RPS6KA2: variants seen among roughly 807,000 people sequenced by gnomAD.
RPS6KA2 encodes the protein ribosomal protein S6 kinase alpha-2.
A neutral mutation model predicts 91.8 loss-of-function variants in RPS6KA2; 42 were observed. The ratio of observed to expected loss-of-function variants is 0.46; its 90% CI spans 0.36 to 0.59. The LOEUF (loss-of-function observed/expected upper bound fraction) is 0.59, where lower values mean the gene tolerates loss of function less well. Ranked by LOEUF, RPS6KA2 falls within the 20% of genes least tolerant of loss-of-function variation. RPS6KA2 has a pLI of 0.00. For missense variants in RPS6KA2, 798 were observed against 978.5 expected, an observed-to-expected ratio of 0.82 and a Z score of 2.46; for synonymous variants, 414 against 393.6, an observed-to-expected ratio of 1.05 and a Z score of -0.61.
rs1254784554 is a variant in RPS6KA2, at chr6:166,528,831, C to G, written c.298+2401G>C. Among the ~76,000 whole-genome samples the G allele has an allele frequency of 2.6e-5, 4 of 152,174 alleles. No individual in the cohort carries two copies. In the East Asian group the frequency reaches 5.8e-4, roughly 22 times the overall value. On this transcript the variant is annotated intron_variant, in intron 3 of 20. Transcript: ENST00000265678. The stretch of plus-strand genomic sequence containing the variant: ...AGACACATGAAAAAATGCTCATCAT[C>G]ACTGGCCATCAGAGAAATGCAAATC...
At chr6:166,627,308 AG>A, upstream of RPS6KA2, 1 of 820,364 alleles carries the variant, frequency 1.2e-6, no homozygotes, top group Non-Finnish European at 1.5e-6. Flanking sequence ...ACCACCAATC[AG>A]CGCCCGCCGC....
intron 2 of RPS6KA2, among the ~76,000 whole-genome samples, chr6:166,652,130 G>A (rs1319201575): frequency 6.6e-6 from 1 of 152,250 alleles, no homozygotes; most frequent in African/African-American, 2.4e-5. Flanking sequence ...AAAAGTCAGA[G>A]GATAGAGCTT....
intron 1 of RPS6KA2, among the ~76,000 whole-genome samples, chr6:166,555,842 T>C (rs1019264804): frequency 2.0e-5 from 3 of 152,018 alleles, no homozygotes; most frequent in East Asian, 1.9e-4. Context: ...ACCTCACTTA[T>C]AGGTAAAAAT....
chr6:166,467,521 A>T (rs532160525), intron 11 of RPS6KA2, among the ~76,000 whole-genome samples: 14 of 152,326 alleles, frequency 9.2e-5, no homozygotes, highest in Non-Finnish European at 1.8e-4. Flanking sequence ...GTCTCATAAG[A>T]TGACACTGAA....
At chr6:166,663,974 T>A (rs1788242809) in intron 2 of RPS6KA2, among the ~76,000 whole-genome samples, 1 of 152,260 alleles carries the variant, frequency 6.6e-6, no homozygotes, top group Non-Finnish European at 1.5e-5. Flanking sequence ...TTATTATCTG[T>A]AAAGCAGGGC....
chr6:166,715,698 G>A (rs574398119), intron 2 of RPS6KA2, among the ~76,000 whole-genome samples: 1 of 152,162 alleles, frequency 6.6e-6, no homozygotes, highest in Admixed American at 6.5e-5. Context: ...ACACGGCTGC[G>A]CTGAACACTG....
At chr6:166,741,015 G>A (rs1790796093) in intron 2 of RPS6KA2, among the ~76,000 whole-genome samples, 1 of 152,262 alleles carries the variant, frequency 6.6e-6, no homozygotes, top group Non-Finnish European at 1.5e-5. Flanking sequence ...ACAACTGCCA[G>A]ACACATGCAG....
chr6:166,813,155 C>T (rs1099647), intron 2 of RPS6KA2, among the ~76,000 whole-genome samples: 148,734 of 151,990 alleles, frequency 0.98, 72,853 homozygotes, highest in East Asian at 1. Flanking sequence ...TTTTATAGTA[C>T]CTCCATATCA....
At chr6:166,499,870 T>TACAGGGACTTTGAGAACAGACTAAC (rs1562536935) in intron 7 of RPS6KA2, among the ~76,000 whole-genome samples, 21 of 149,844 alleles carry the variant, frequency 1.4e-4, no homozygotes, top group African/African-American at 4.9e-4. Context: ...AACAGACTAA[T>TACAGGGACTTTGAGAACAGACTAAC]ACAGGGACTT....
In RPS6KA2 at chr6:166,825,662, A is replaced by C. The variant is rs1194269197; in HGVS notation, c.123+32538T>G. On this transcript the variant is annotated intron_variant, in intron 2 of 21. Coordinates refer to the RPS6KA2 transcript ENST00000503859. The surrounding 1 kb of genome is among the most constrained non-coding windows in gnomAD (Gnocchi z 4.1). ...AGTGTTGGATGAGAACCCACTTCCT[A>C]GTACATAGACAGCAACTTCTCCCTG... Among the ~76,000 whole-genome samples the C allele has an allele frequency of 6.6e-6, 1 of 152,176 alleles. No homozygotes were observed. The highest frequency in any genetic ancestry group is 1.5e-5 in the Non-Finnish European group (1 of 68,024).
chr6:166,854,073 G>A (rs1455040294), intron 2 of RPS6KA2, among the ~76,000 whole-genome samples: 4 of 152,192 alleles, frequency 2.6e-5, no homozygotes, highest in Non-Finnish European at 5.9e-5. Context: ...TATGAAGGAT[G>A]CCTGCCTCTG....
At chr6:166,546,283 G>A (rs1031834239) in intron 1 of RPS6KA2, among the ~76,000 whole-genome samples, 6 of 152,116 alleles carry the variant, frequency 3.9e-5, no homozygotes, top group African/African-American at 1.2e-4. Flanking sequence ...GTGTTTCCTC[G>A]TGGAACAGCT....
intron 2 of RPS6KA2, among the ~76,000 whole-genome samples, chr6:166,782,067 A>T (rs1238004049): frequency 6.6e-6 from 1 of 152,204 alleles, no homozygotes; most frequent in Non-Finnish European, 1.5e-5. Flanking sequence ...AGGTTGGCGG[A>T]TCATCTTGAG....
intron 11 of RPS6KA2, among the ~76,000 whole-genome samples, chr6:166,463,881 G>T (rs73271267): frequency 0.035 from 5,401 of 152,282 alleles, 343 homozygotes; most frequent in African/African-American, 0.12. Flanking sequence ...TGACAGGTCA[G>T]TGGCTCATGG....
intron 2 of RPS6KA2, among the ~76,000 whole-genome samples, chr6:166,633,151 C>T (rs116810780): frequency 0.029 from 4,389 of 152,150 alleles, 198 homozygotes; most frequent in African/African-American, 0.1. Context: ...ACCTGGGAGG[C>T]GGAGACGGCA....
chr6:166,851,082 C>T (rs1780727717), intron 2 of RPS6KA2, among the ~76,000 whole-genome samples: 1 of 152,200 alleles, frequency 6.6e-6, no homozygotes, highest in South Asian at 2.1e-4. Context: ...CCTTTGGTGC[C>T]TCGATTTCAC....
At chr6:166,696,576 C>T (rs1419142900) in intron 2 of RPS6KA2, among the ~76,000 whole-genome samples, 2 of 152,190 alleles carry the variant, frequency 1.3e-5, no homozygotes, top group African/African-American at 2.4e-5. Context: ...TGAAACGGTC[C>T]ATTTTCTACG....
chr6:166,565,556 T>C (rs2128507478), intron 1 of RPS6KA2, among the ~76,000 whole-genome samples: 1 of 152,132 alleles, frequency 6.6e-6, no homozygotes, highest in East Asian at 1.9e-4. Flanking sequence ...GTGGTCCATG[T>C]CTGGGCAGTG....
At chr6:166,785,509 C>T (rs1778906468) in intron 2 of RPS6KA2, among the ~76,000 whole-genome samples, 1 of 152,210 alleles carries the variant, frequency 6.6e-6, no homozygotes, top group Non-Finnish European at 1.5e-5. Context: ...TGAAAGATAG[C>T]GACTAAGTTC....
Sources: allele counts gnomAD v4.1 joint callset (sites outside exome capture counted in the v4.1 genomes callset), GRCh38; gene constraint gnomAD v4.1.1; non-coding constraint Gnocchi (gnomAD v3.1); transcripts MANE v1.5; gene names NCBI Gene and HGNC (gene_info 2026-07-23, HGNC 2026-07-21).